Variants in MBNL2 observed in about 807,000 individuals in gnomAD.
MBNL2 encodes muscleblind-like protein 2.
Under a neutral mutation model 41.9 loss-of-function variants are expected in MBNL2, and 17 were observed. The ratio of observed to expected loss-of-function variants is 0.41; its 90% CI spans 0.28 to 0.61. The LOEUF is 0.61. Ranked by LOEUF, MBNL2 falls within the 20% of genes least tolerant of loss-of-function variation. The pLI, the probability that MBNL2 is intolerant of heterozygous loss-of-function variation, is 0.35. For synonymous variants in MBNL2, 195 were observed against 182.9 expected (o/e 1.07, Z -0.53); for missense variants, 336 against 505.6 (o/e 0.66, Z 3.22).
At chr13:97,211,058 A>T in the MBNL2 span, among the ~76,000 whole-genome samples, 13 of 152,214 alleles carry the variant, frequency 8.5e-5, no homozygotes, top group South Asian at 8.3e-4. Flanking sequence ...GCATGATCTG[A>T]CACCCTATGA....
chr13:97,162,160 G>A, the MBNL2 span, among the ~76,000 whole-genome samples: 1 of 152,110 alleles, frequency 6.6e-6, no homozygotes, highest in African/African-American at 2.4e-5. Flanking sequence ...ACTCTCACGA[G>A]AATAGCACCA....
At chr13:97,295,139 A>C (rs1457184411) in intron 2 of MBNL2, among the ~76,000 whole-genome samples, 2 of 152,174 alleles carry the variant, frequency 1.3e-5, no homozygotes, top group Non-Finnish European at 2.9e-5. Flanking sequence ...GAGTTAGCAC[A>C]ATGAAGAGGA....
the MBNL2 span, among the ~76,000 whole-genome samples, chr13:97,161,118 T>C: frequency 1.3e-5 from 2 of 152,158 alleles, no homozygotes; most frequent in African/African-American, 4.8e-5. Flanking sequence ...AAATTCCAGG[T>C]GATTCATTTG....
the MBNL2 span, among the ~76,000 whole-genome samples, chr13:97,210,050 C>T: frequency 1.3e-5 from 2 of 152,322 alleles, no homozygotes; most frequent in African/African-American, 2.4e-5. Flanking sequence ...CCCGCCTTGG[C>T]CTCCCGAAGT....
At chr13:97,270,635 G>T (rs957601970) in intron 1 of MBNL2, among the ~76,000 whole-genome samples, 1 of 152,062 alleles carries the variant, frequency 6.6e-6, no homozygotes, top group Non-Finnish European at 1.5e-5. Context: ...CACAATTCAG[G>T]TGCTTGATTG....
At chr13:97,192,398 G>A in the MBNL2 span, among the ~76,000 whole-genome samples, 1 of 152,200 alleles carries the variant, frequency 6.6e-6, no homozygotes, top group Admixed American at 6.5e-5. Flanking sequence ...GGTGTCAAAT[G>A]CAAACAGTCA....
At chr13:97,271,392 G>A in intron 1 of MBNL2, among the ~76,000 whole-genome samples, 1 of 151,552 alleles carries the variant, frequency 6.6e-6, no homozygotes, top group Non-Finnish European at 1.5e-5. Context: ...ACAGGCGTGA[G>A]CCACTGCACC....
the MBNL2 span, among the ~76,000 whole-genome samples, chr13:97,188,313 C>T: frequency 6.6e-6 from 1 of 152,138 alleles, no homozygotes; most frequent in Non-Finnish European, 1.5e-5. Context: ...CCTAAGTGGG[C>T]ATACGGGCAC....
chr13:97,160,747 C>T, the MBNL2 span, among the ~76,000 whole-genome samples: 2 of 152,172 alleles, frequency 1.3e-5, no homozygotes, highest in Admixed American at 6.5e-5. Flanking sequence ...GCTTTCCAAA[C>T]TTGTTCTTAT....
chr13:97,194,314 G>C, the MBNL2 span, among the ~76,000 whole-genome samples: 1 of 152,122 alleles, frequency 6.6e-6, no homozygotes, highest in Non-Finnish European at 1.5e-5. Context: ...GCCTACCACT[G>C]TACCTGGTAC....
the MBNL2 span, among the ~76,000 whole-genome samples, chr13:97,209,337 A>T: frequency 6.6e-6 from 1 of 152,184 alleles, no homozygotes; most frequent in Admixed American, 6.5e-5. Context: ...CCCCACTAAG[A>T]GGCCTAAATT....
chr13:97,223,309 AACCAT>A (rs1434853123), intron 1 of MBNL2, among the ~76,000 whole-genome samples: 1 of 152,242 alleles, frequency 6.6e-6, no homozygotes, highest in Non-Finnish European at 1.5e-5. Context: ...CACTATGCCG[AACCAT>A]ATCAACTTTC....
intron 8 of MBNL2, among the ~76,000 whole-genome samples, chr13:97,365,878 G>T (rs1243020765): frequency 6.6e-6 from 1 of 152,082 alleles, no homozygotes; most frequent in Non-Finnish European, 1.5e-5. Flanking sequence ...ATTAGAATTT[G>T]CATCAAGGCT....
chr13:97,387,085 C>A (rs1009604849), intron 8 of MBNL2, among the ~76,000 whole-genome samples: 1 of 151,010 alleles, frequency 6.6e-6, no homozygotes, highest in Non-Finnish European at 1.5e-5. Context: ...TTTTGATTTA[C>A]CATACTAGAT....
At position 97,381,073 on chromosome 13, in the gene MBNL2, A is replaced by G. The variant is rs201940012; in HGVS notation, c.1049-10249A>G. Among the ~76,000 whole-genome samples, 24 of 149,910 alleles carry G rather than the reference A, an allele frequency of 1.6e-4. No individual in the cohort carries two copies. The East Asian group carries it at 4.1e-3, about 26-fold the overall frequency. ...GTGGTTTTTGTTAACCTCTCTCTCT[A>G]TCTCTCCCTCTCTGTCCCTCTCTTT... On this transcript the variant is annotated intron_variant, in intron 8 of 8. Transcript: ENST00000679496.
Position 97,276,354 on chromosome 13 carries a change from C to T in MBNL2, c.119C>T (p.Pro40Leu), listed in dbSNP as rs781670889. The change falls in exon 2 of 9, where the codon CCC (proline) becomes CTC (leucine). Residue 40 changes from proline to leucine, a missense_variant. Coordinates refer to ENST00000679496, the MANE Select transcript of MBNL2 (RefSeq NM_001382683.1). ...SDEECKFAHP[P>L]KSCQVENGRV... is the part of the protein sequence containing the mutation. ...GAAGAATGCAAATTTGCTCATCCCC[C>T]CAAAAGTTGTCAGGTTGAAAATGGA... 6.2e-7 allele frequency: 1 copy of T among 1,613,938 alleles called. No homozygotes were observed. Among genetic ancestry groups the T allele is most frequent in the Admixed American group, 1.7e-5 (1 of 59,996 alleles).
rs776184269 is a variant in MBNL2, at chr13:97,357,614, C to T, written c.991C>T (p.His331Tyr). The change falls in exon 7 of 9, where the codon CAC becomes TAC. Residue 331 changes from histidine to tyrosine, a missense_variant. His to Tyr is a moderately conservative substitution (Grantham distance 83). Coordinates refer to ENST00000679496, the MANE Select transcript of MBNL2 (RefSeq NM_001382683.1). ...QALTSAQLQQ[H>Y]AAFIPTGSVL... ...TCTCACCAGCGCACAGTTGCAGCAA[C>T]ACGCCGCGTTCATTCCAACAGGTAT... 1.2e-6 allele frequency: 2 copies of T among 1,614,014 alleles called. No homozygotes were observed. Among genetic ancestry groups the T allele is most frequent in the South Asian group, 1.1e-5 (1 of 91,086 alleles).
In MBNL2 at chr13:97,357,227, T is replaced by G. The variant is rs548446794; in HGVS notation, c.859-255T>G. Among the ~76,000 whole-genome samples the G allele has an allele frequency of 8.2e-4, 125 of 152,288 alleles. 1 individual carries two copies. In the South Asian group the frequency reaches 0.012, roughly 15 times the overall value. ...CATTTTAAAAGCTGAAGCCATTTTT[T>G]TTGTTGTTGTTGCTTGATAGTTTTT... On this transcript the variant is annotated intron_variant, in intron 6 of 8. Transcript: ENST00000679496.
At chr13:97,313,718 G>A (rs978626318) in intron 2 of MBNL2, among the ~76,000 whole-genome samples, 1 of 152,184 alleles carries the variant, frequency 6.6e-6, no homozygotes, top group East Asian at 1.9e-4. Context: ...TTAAGGCTGA[G>A]CTGTAGGCTT....
Sources: gnomAD v4.1 joint callset for allele counts (sites outside exome capture counted in the v4.1 genomes callset) on GRCh38, gnomAD v4.1.1 for gene constraint, MANE v1.5 for transcripts, NCBI Gene and HGNC (gene_info 2026-07-23, HGNC 2026-07-21) for gene names.